The following DIS3L2 variants were observed in gnomAD, a reference collection of about 807,000 sequenced individuals.
DIS3L2 encodes DIS3 like 3'-5' exoribonuclease 2, also known as DIS3-like exonuclease 2.
In DIS3L2, 34 loss-of-function variants were observed where a neutral mutation model predicts 97.5. The ratio of observed to expected loss-of-function variants is 0.35; its 90% CI spans 0.27 to 0.46. The LOEUF (loss-of-function observed/expected upper bound fraction) is 0.46, where lower values mean the gene tolerates loss of function less well. Among genes scored for constraint, DIS3L2 ranks in the 20% least tolerant of loss-of-function variants. The pLI is 1.00. For synonymous variants in DIS3L2, 435 were observed against 445.2 expected, an observed-to-expected ratio of 0.98 and a Z score of 0.29; for missense variants, 1,038 against 1,146.0, an observed-to-expected ratio of 0.91 and a Z score of 1.36.
intron 1 of DIS3L2, among the ~76,000 whole-genome samples, chr2:231,978,121 A>G (rs968061353): frequency 1.3e-5 from 2 of 152,234 alleles, no homozygotes; most frequent in Non-Finnish European, 2.9e-5. Context: ...ATGTTTTTAT[A>G]TGCATTCTAT....
chr2:232,163,468 T>G lies in DIS3L2; in HGVS notation c.960T>G (p.Ala320=). The G allele has an allele frequency of 6.2e-7, 1 of 1,613,980 alleles. No homozygotes were observed. Among genetic ancestry groups the G allele is most frequent in the Non-Finnish European group, 8.5e-7 (1 of 1,179,928 alleles). The change falls in exon 9 of 21, where the codon GCT becomes GCG. Residue 320 remains alanine, a synonymous_variant. Transcript: ENST00000325385. The stretch of plus-strand genomic sequence containing the variant: ...TCTGTTCTATCCATAGGCAGCTGGC[T>G]AAGAGTCTTGGGCAGGCTGGTGAAA... ...EDCNFALGQL[A]KSLGQAGEIE...
At chr2:232,183,012 A>G (rs1393295134) in intron 9 of DIS3L2, among the ~76,000 whole-genome samples, 3 of 152,190 alleles carry the variant, frequency 2.0e-5, no homozygotes, top group Non-Finnish European at 4.4e-5. Context: ...CCCCCAAATT[A>G]TAGTTTAGGA....
At chr2:232,080,127 T>G (rs1448547412) in intron 5 of DIS3L2, among the ~76,000 whole-genome samples, 1 of 152,136 alleles carries the variant, frequency 6.6e-6, no homozygotes, top group African/African-American at 2.4e-5. Flanking sequence ...GGCAAGAAGA[T>G]CCATTTAAAG....
intron 1 of DIS3L2, among the ~76,000 whole-genome samples, chr2:232,010,696 A>G (rs1694174494): frequency 6.6e-6 from 1 of 152,138 alleles, no homozygotes; most frequent in African/African-American, 2.4e-5. Context: ...TACTAAGGCT[A>G]GGCTAAGACA....
At chr2:232,162,545 G>T (rs990998231) in intron 8 of DIS3L2, among the ~76,000 whole-genome samples, 1 of 152,198 alleles carries the variant, frequency 6.6e-6, no homozygotes, top group African/African-American at 2.4e-5. Context: ...CATAGAAATC[G>T]AATAGCCTGA....
At chr2:232,267,058 G>A (rs1344519344) in intron 13 of DIS3L2, among the ~76,000 whole-genome samples, 3 of 152,182 alleles carry the variant, frequency 2.0e-5, no homozygotes, top group African/African-American at 7.2e-5. Context: ...CCTCAGAACT[G>A]TAGAGCAACT....
At chr2:231,977,444 C>G (rs1462406225) in intron 1 of DIS3L2, among the ~76,000 whole-genome samples, 1 of 152,212 alleles carries the variant, frequency 6.6e-6, no homozygotes, top group Admixed American at 6.5e-5. Context: ...TATTGATTGT[C>G]TCAGCCTTTG....
At chr2:232,189,845 A>T (rs1691561560) in intron 9 of DIS3L2, among the ~76,000 whole-genome samples, 1 of 152,206 alleles carries the variant, frequency 6.6e-6, no homozygotes, top group Non-Finnish European at 1.5e-5. Flanking sequence ...CAACATCTTT[A>T]TTATTTCTTA....
chr2:232,122,270 A>G (rs2106342430), intron 6 of DIS3L2, among the ~76,000 whole-genome samples: 2 of 152,320 alleles, frequency 1.3e-5, no homozygotes, highest in Middle Eastern at 3.4e-3. Flanking sequence ...ACTTTAACAG[A>G]TATTAATTTC....
rs61079731 is a variant in DIS3L2 at position 232,100,804 on chromosome 2, G to GGTGTGTGTGT, written c.601+13100_601+13109dup. ...TATTACACATATGCTTTGAAAGAAA[G>GGTGTGTGTGT]GTGTGTGTGTGTGTGTGTGTGTGTG... On this transcript the variant is annotated intron_variant, in intron 6 of 20. Coordinates refer to ENST00000325385, the MANE Select transcript of DIS3L2 (RefSeq NM_152383.5). Among the ~76,000 whole-genome samples the GGTGTGTGTGT allele has an allele frequency of 3.0e-3, 445 of 147,724 alleles. 1 individual carries two copies. Among genetic ancestry groups the GGTGTGTGTGT allele is most frequent in the Middle Eastern group, 6.9e-3 (2 of 288 alleles).
intron 13 of DIS3L2, among the ~76,000 whole-genome samples, chr2:232,264,633 G>A (rs1485799524): frequency 6.6e-6 from 1 of 152,210 alleles, no homozygotes; most frequent in East Asian, 1.9e-4. Context: ...TAGGAGCGTG[G>A]AACTGTTCAC....
rs111373160 is a variant in DIS3L2 at position 232,070,678 on chromosome 2, G to A, written c.367-16809G>A. Reference sequence around the variant, plus strand: ...CCAGTCACTGCAACCTTCACCTCCCGGGTTCAAGTGATTCTCCTGTCTCAG... The same window carrying A: ...CCAGTCACTGCAACCTTCACCTCCCAGGTTCAAGTGATTCTCCTGTCTCAG... On this transcript the variant is annotated intron_variant, in intron 5 of 20. Coordinates refer to ENST00000325385, the MANE Select transcript of DIS3L2 (RefSeq NM_152383.5). Among the ~76,000 whole-genome samples, 6 of 151,348 alleles carry A rather than the reference G, an allele frequency of 4.0e-5. 1 individual carries two copies. The highest frequency in any genetic ancestry group is 1.2e-4 in the African/African-American group (5 of 41,220).
intron 5 of DIS3L2, among the ~76,000 whole-genome samples, chr2:232,050,328 A>G (rs1396789561): frequency 6.6e-6 from 1 of 152,010 alleles, no homozygotes; most frequent in Admixed American, 6.5e-5. Flanking sequence ...CTGTAGTGCA[A>G]TGGCGTGATT....
At chr2:232,332,997 T>G (rs1422955543) in intron 16 of DIS3L2, among the ~76,000 whole-genome samples, 1 of 151,818 alleles carries the variant, frequency 6.6e-6, no homozygotes, top group Admixed American at 6.6e-5. Context: ...GGACGTTGCC[T>G]CCTTGAACAA....
intron 3 of DIS3L2, among the ~76,000 whole-genome samples, chr2:232,023,350 A>G (rs188476263): frequency 2.0e-4 from 31 of 152,352 alleles, no homozygotes; most frequent in African/African-American, 7.5e-4. Flanking sequence ...GGTACAGTGC[A>G]GAAGGAAATT....
At chr2:232,026,148 C>G (rs1300344003) in intron 4 of DIS3L2, among the ~76,000 whole-genome samples, 1 of 152,116 alleles carries the variant, frequency 6.6e-6, no homozygotes, top group Non-Finnish European at 1.5e-5. Context: ...TGGCTCCTAG[C>G]AAGTGTGGGA....
At chr2:232,087,453 C>A in intron 5 of DIS3L2, 34 bp from the exon 6 acceptor site, 1 of 1,499,548 alleles carries the variant, frequency 6.7e-7, no homozygotes, top group South Asian at 1.3e-5. Flanking sequence ...TTTCCTCTCT[C>A]AGTGATTTAG....
Position 232,228,070 on chromosome 2 carries a change from G to A in DIS3L2, c.1205-10463G>A, listed in dbSNP as rs188389216. On this transcript the variant is annotated intron_variant, in intron 10 of 20. Coordinates refer to ENST00000325385, the MANE Select transcript of DIS3L2 (RefSeq NM_152383.5). Reference sequence around the variant, plus strand: ...GCAACCTCCGCCTCCCGGTTCAAGCGATTCTCCTGCCTCAGCCTCCTGAGT... The same window carrying A: ...GCAACCTCCGCCTCCCGGTTCAAGCAATTCTCCTGCCTCAGCCTCCTGAGT... Among the ~76,000 whole-genome samples the A allele has an allele frequency of 1.1e-3, 172 of 152,174 alleles. 3 individuals carry two copies. The highest frequency in any genetic ancestry group is 8.9e-3 in the Admixed American group (136 of 15,278).
At chr2:231,974,342 G>T (rs1266249349) in intron 1 of DIS3L2, among the ~76,000 whole-genome samples, 1 of 152,136 alleles carries the variant, frequency 6.6e-6, no homozygotes, top group African/African-American at 2.4e-5. Flanking sequence ...CAGCAGACTG[G>T]CTGGAATAGC....
Sources: gnomAD v4.1 joint callset for allele counts (sites outside exome capture counted in the v4.1 genomes callset) on GRCh38, gnomAD v4.1.1 for gene constraint, MANE v1.5 for transcripts, NCBI Gene and HGNC (gene_info 2026-07-23, HGNC 2026-07-21) for gene names.